FBXL16: variants seen among roughly 807,000 people sequenced by gnomAD.
FBXL16 encodes the protein F-box and leucine rich repeat protein 16, also known as F-box/LRR-repeat protein 16.
In FBXL16, 7 loss-of-function variants were observed where a neutral mutation model predicts 36.7. That is an observed-to-expected ratio of 0.19 (90% CI 0.11 to 0.36). The LOEUF is 0.36. Among genes scored for constraint, FBXL16 ranks in the 10% least tolerant of loss-of-function variants. The pLI is 1.00. For synonymous variants in FBXL16, 355 were observed against 308.7 expected (o/e 1.15, Z -1.57); for missense variants, 463 against 659.4 (o/e 0.70, Z 3.26).
chr16:694,741 G>A (rs1265594968), intron 4 of FBXL16, 44 bp from the exon 5 acceptor site: 3 of 1,551,736 alleles, frequency 1.9e-6, no homozygotes, highest in Non-Finnish European at 2.6e-6. Context: ...CGCTCGCACC[G>A]AGGCGGAGGG....
intron 1 of FBXL16, among the ~76,000 whole-genome samples, chr16:704,390 G>A (rs1347113160): frequency 6.6e-6 from 1 of 152,210 alleles, no homozygotes; most frequent in African/African-American, 2.4e-5. Flanking sequence ...TGGGGTGGCA[G>A]GGGGCAGGGA....
intron 1 of FBXL16, among the ~76,000 whole-genome samples, chr16:698,542 T>C (rs995199324): frequency 2.0e-5 from 3 of 151,974 alleles, no homozygotes; most frequent in Non-Finnish European, 4.4e-5. Context: ...CCCTGCAGGG[T>C]GACTGCACAG....
chr16:694,492 C>G (rs2039995289), intron 5 of FBXL16, 69 bp from the exon 6 acceptor site: 2 of 1,488,832 alleles, frequency 1.3e-6, no homozygotes, highest in Admixed American at 4.3e-5. Context: ...CCGGGCCGCG[C>G]CTCCCTCCTC....
rs1040538346 is a variant in FBXL16 at position 693,108 on chromosome 16, C to G, written c.*1167G>C. The G allele has an allele frequency of 1.4e-5, 2 of 139,286 alleles. No homozygotes were observed. The highest frequency in any genetic ancestry group is 1.5e-4 in the Admixed American group (2 of 13,600). 8.6% of individuals were successfully genotyped at this position (139,286 alleles called of 1,614,324 possible). ...CATCCCCCAGGACTTCCAAATGTCT[C>G]GGGCCGACAGAGCACGGTCAGAGCC... On this transcript the variant is annotated 3_prime_UTR_variant, in exon 6 of 6. Transcript: ENST00000397621.
intron 1 of FBXL16, among the ~76,000 whole-genome samples, chr16:702,822 TCTC>T (rs1434654055): frequency 5.3e-5 from 8 of 152,246 alleles, no homozygotes; most frequent in Admixed American, 2.0e-4. Context: ...GGAGGGCCCA[TCTC>T]CTTTTCAGCT....
intron 1 of FBXL16, among the ~76,000 whole-genome samples, chr16:700,362 A>G (rs563688829): frequency 6.6e-6 from 1 of 152,260 alleles, no homozygotes; most frequent in Admixed American, 6.5e-5. Context: ...AGGCACCCAC[A>G]GCCGGTGACC....
chr16:699,324 G>A (rs909458700), intron 1 of FBXL16, among the ~76,000 whole-genome samples: 8 of 152,234 alleles, frequency 5.3e-5, no homozygotes, highest in Non-Finnish European at 1.0e-4. Flanking sequence ...GGGGCACTGG[G>A]CACAGCCACG....
At position 695,735 on chromosome 16, in the gene FBXL16, G is replaced by A. The variant is rs2040006374; in HGVS notation, c.822C>T (p.Ser274=). The A allele has an allele frequency of 6.2e-7, 1 of 1,603,126 alleles. No individual in the cohort carries two copies. The highest frequency in any genetic ancestry group is 8.5e-7 in the Non-Finnish European group (1 of 1,177,952). Residue 274 remains serine, a synonymous_variant, in exon 3 of 6, where the codon AGC becomes AGT. Transcript: ENST00000397621. ...TGTCCGTCACGTGGTAGGCCTGCAG[G>A]CTCAGCTCCGCCAGGTTGGGCAGCA... is the stretch of plus-strand genomic sequence containing the variant. ...SQLLPNLAEL[S]LQAYHVTDTA...
intron 1 of FBXL16, among the ~76,000 whole-genome samples, chr16:703,408 C>T (rs1208831671): frequency 6.6e-6 from 1 of 152,188 alleles, no homozygotes; most frequent in Non-Finnish European, 1.5e-5. Flanking sequence ...TAACCAACCA[C>T]TCAGCCCTCA....
In FBXL16 at chr16:694,120, G is replaced by C. The variant is rs990918483; in HGVS notation, c.*155C>G. 9.8e-6 allele frequency: 4 copies of C among 407,520 alleles called. No homozygotes were observed. The Admixed American group carries it at 1.5e-4, about 15-fold the overall frequency. 25.2% of individuals were successfully genotyped at this position (407,520 alleles called of 1,614,324 possible). The stretch of plus-strand genomic sequence containing the variant: ...GGGAGGGCGGAGGGACCGAAGGTCG[G>C]GGAGGGGCTTTCCCTCGGCTCGCCC... On this transcript the variant is annotated 3_prime_UTR_variant, in exon 6 of 6. Coordinates refer to ENST00000397621, the MANE Select transcript of FBXL16 (RefSeq NM_153350.4).
chr16:702,145 C>T (rs1050074304), intron 1 of FBXL16, among the ~76,000 whole-genome samples: 6 of 152,206 alleles, frequency 3.9e-5, no homozygotes, highest in Non-Finnish European at 7.4e-5. Flanking sequence ...GCAGGAGCTG[C>T]CTCTTCTGCG....
chr16:694,748 A>C (rs1440843728), intron 4 of FBXL16, 51 bp from the exon 5 acceptor site: 3 of 1,548,856 alleles, frequency 1.9e-6, no homozygotes, highest in Non-Finnish European at 2.6e-6. Context: ...ACCGAGGCGG[A>C]GGGCACCCTG....
At chr16:699,680 G>A (rs2040041616) in intron 1 of FBXL16, among the ~76,000 whole-genome samples, 1 of 152,136 alleles carries the variant, frequency 6.6e-6, no homozygotes. Context: ...CCCGGTCTTA[G>A]GTGACTCCAG....
At chr16:694,881 C>T in intron 4 of FBXL16, 111 bp downstream of exon 4, 2 of 1,299,150 alleles carry the variant, frequency 1.5e-6, no homozygotes, top group Non-Finnish European at 2.1e-6. Context: ...AGGTCGGCTG[C>T]TGGATAGGGA....
At chr16:696,736 G>GC (rs776026421) in intron 2 of FBXL16, 37 bp downstream of exon 2, 3 of 1,342,216 alleles carry the variant, frequency 2.2e-6, no homozygotes, top group South Asian at 4.5e-5. Context: ...GCCCGCCCCT[G>GC]CCCCCCAGCC....
chr16:704,669 GCTGCCC>G lies in FBXL16; in HGVS notation c.-15+837_-15+842del, dbSNP rs577673441. ...CGGCCCTGTGTCCAGGGAGGCCTGA[GCTGCCC>G]CTGGCCATTGGGCCCTCGGATGCAC... On this transcript the variant is annotated intron_variant, in intron 1 of 5. Coordinates refer to ENST00000397621, the MANE Select transcript of FBXL16 (RefSeq NM_153350.4). 2.2e-3 allele frequency among the ~76,000 whole-genome samples: 329 copies of G among 152,380 alleles called. 1 individual carries two copies. Among genetic ancestry groups the G allele is most frequent in the African/African-American group, 7.3e-3 (305 of 41,592 alleles).
chr16:699,353 A>T (rs2040039489), intron 1 of FBXL16, among the ~76,000 whole-genome samples: 1 of 152,176 alleles, frequency 6.6e-6, no homozygotes, highest in East Asian at 1.9e-4. Context: ...CAGAGGTGGG[A>T]CCCTCACTGT....
chr16:694,828 G>A, intron 4 of FBXL16, 131 bp from the exon 5 acceptor site: 1 of 1,290,404 alleles, frequency 7.7e-7, no homozygotes, highest in Admixed American at 2.1e-5. Context: ...GGAGGCGGCT[G>A]GGAAGTGCTC....
intron 1 of FBXL16, among the ~76,000 whole-genome samples, chr16:703,079 T>C (rs1459283797): frequency 6.6e-6 from 1 of 152,200 alleles, no homozygotes; most frequent in Non-Finnish European, 1.5e-5. Context: ...GCCCCGGGGC[T>C]GGCTGATTCC....
Sources: allele counts gnomAD v4.1 joint callset (sites outside exome capture counted in the v4.1 genomes callset), GRCh38; gene constraint gnomAD v4.1.1; transcripts MANE v1.5; gene names NCBI Gene and HGNC (gene_info 2026-07-23, HGNC 2026-07-21).